ACSL6: variants seen among roughly 807,000 people sequenced by gnomAD.
ACSL6 encodes long-chain-fatty-acid--CoA ligase 6.
Under a neutral mutation model 98.2 loss-of-function variants are expected in ACSL6, and 47 were observed. That is an observed-to-expected ratio of 0.48 (90% CI 0.38 to 0.61). The LOEUF is 0.61. Among genes scored for constraint, ACSL6 ranks in the 20% least tolerant of loss-of-function variants. The pLI, the probability that ACSL6 is intolerant of heterozygous loss-of-function variation, is 0.00. For synonymous variants in ACSL6, 362 were observed against 336.9 expected (o/e 1.07, Z -0.82); for missense variants, 761 against 913.4 (o/e 0.83, Z 2.15).
At position 131,960,384 on chromosome 5, in the gene ACSL6, C is replaced by T. The variant is rs1370361049; in HGVS notation, c.1959+136G>A. The T allele has an allele frequency of 8.8e-6, 5 of 568,230 alleles. No individual in the cohort carries two copies. In the African/African-American group the frequency reaches 9.7e-5, roughly 11 times the overall value. The allele number at this position is 568,230 out of a possible 1,614,324, so 35.2% of individuals were successfully genotyped here. A position where few individuals can be genotyped will look rare whatever the true frequency, so the allele number is the denominator to read the frequency against. ...AAAAGACAAATCTCTGGTTTAGAAT[C>T]CCCACTATATATAAAGTAATGTTAG... On this transcript the variant is annotated intron_variant, in intron 19 of 20. Transcript: ENST00000651883.
chr5:132,011,638 A>C lies in ACSL6; in HGVS notation c.-85T>G. The C allele has an allele frequency of 1.6e-6, 2 of 1,263,194 alleles. No homozygotes were observed. The highest frequency in any genetic ancestry group is 7.2e-5 in the South Asian group (2 of 27,888). The allele number at this position is 1,263,194 out of a possible 1,614,324, so 78.2% of individuals were successfully genotyped here. On this transcript the variant is annotated 5_prime_UTR_variant, in exon 1 of 21. Coordinates refer to ENST00000651883, the MANE Select transcript of ACSL6 (RefSeq NM_001009185.3). This position sits in a 1 kb window ranked among gnomAD's most constrained non-coding sequence, Gnocchi z 5.4. ...CCCGCAGCCCAGCAGCCCCAGCAGT[A>C]GCCGCGCCGCCGCCGCCGCTGCCGG...
intron 7 of ACSL6, 106 bp downstream of exon 7, chr5:131,987,942 G>A (rs1754284649): frequency 1.4e-6 from 2 of 1,446,036 alleles, no homozygotes; most frequent in Admixed American, 1.9e-5. Flanking sequence ...TACCCTGCGG[G>A]CCCAAAACAG....
At chr5:131,996,551 C>T (rs1311710689) in intron 1 of ACSL6, among the ~76,000 whole-genome samples, 1 of 152,190 alleles carries the variant, frequency 6.6e-6, no homozygotes, top group Non-Finnish European at 1.5e-5. Flanking sequence ...TCATGCCTAG[C>T]ACGAGGGCTC....
At chr5:131,985,361 A>G in intron 9 of ACSL6, 46 bp downstream of exon 9, 2 of 1,610,776 alleles carry the variant, frequency 1.2e-6, no homozygotes, top group Non-Finnish European at 1.7e-6. Flanking sequence ...GCCACCAGGG[A>G]AGGGTGCAGG....
At chr5:131,967,809 A>T in intron 16 of ACSL6, 131 bp downstream of exon 16, 1 of 744,128 alleles carries the variant, frequency 1.3e-6, no homozygotes, top group Non-Finnish European at 2.2e-6. Flanking sequence ...AGTTGAGCTG[A>T]GTCAAATTAA....
At chr5:131,961,018 T>A (rs1580626753) in intron 18 of ACSL6, 1 of 160,224 alleles carries the variant, frequency 6.2e-6, no homozygotes, top group Admixed American at 6.4e-5. Context: ...CATGAAAGAC[T>A]TCATTTTGTT....
intron 20 of ACSL6, among the ~76,000 whole-genome samples, 183 bp downstream of exon 20, chr5:131,959,350 TTGA>T (rs1752580266): frequency 6.6e-6 from 1 of 152,224 alleles, no homozygotes; most frequent in South Asian, 2.1e-4. Flanking sequence ...GCAATCTCTT[TTGA>T]TATGTGACCT....
At chr5:131,969,022 T>C (rs1753164856) in intron 15 of ACSL6, among the ~76,000 whole-genome samples, 1 of 152,200 alleles carries the variant, frequency 6.6e-6, no homozygotes, top group Admixed American at 6.5e-5. Context: ...TGAGGGTAGA[T>C]ACTGGAAGAA....
intron 11 of ACSL6, 89 bp downstream of exon 11, chr5:131,974,804 T>A: frequency 3.1e-6 from 5 of 1,613,008 alleles, no homozygotes; most frequent in Non-Finnish European, 4.2e-6. Flanking sequence ...ATAGGAAATG[T>A]GCACATCCGC....
intron 3 of ACSL6, 95 bp from the exon 4 acceptor site, chr5:131,990,259 C>G: frequency 8.0e-7 from 1 of 1,251,258 alleles, no homozygotes; most frequent in Non-Finnish European, 1.1e-6. Flanking sequence ...ACATCCCATA[C>G]TGTAGTGTGT....
chr5:131,984,248 A>G (rs185497037), intron 9 of ACSL6: 1 of 152,400 alleles, frequency 6.6e-6, no homozygotes, highest in Non-Finnish European at 1.5e-5. Flanking sequence ...TCAATAAAGC[A>G]TGTTTATCAT....
In ACSL6 at chr5:132,010,472, G is replaced by T. The variant is rs773322164; in HGVS notation, c.49+1033C>A. ...GTTTTCCATGAATATTAAATAACACGTACAAAGCCTCAGGTAAAGATTTCA... is the reference window on the plus strand; with the variant it reads ...GTTTTCCATGAATATTAAATAACACTTACAAAGCCTCAGGTAAAGATTTCA... On this transcript the variant is annotated intron_variant, in intron 1 of 20. Coordinates refer to ENST00000651883, the MANE Select transcript of ACSL6 (RefSeq NM_001009185.3). 3.3e-5 allele frequency among the ~76,000 whole-genome samples: 5 copies of T among 152,312 alleles called. No homozygotes were observed. The South Asian group carries it at 1.0e-3, about 32-fold the overall frequency.
At chr5:131,977,274 G>A (rs1228029862) in intron 9 of ACSL6, among the ~76,000 whole-genome samples, 3 of 152,212 alleles carry the variant, frequency 2.0e-5, no homozygotes, top group African/African-American at 7.2e-5. Flanking sequence ...TTCTTGCTTT[G>A]TTTTGATATG....
chr5:131,997,109 G>A (rs1561807605), intron 1 of ACSL6, among the ~76,000 whole-genome samples: 1 of 152,342 alleles, frequency 6.6e-6, no homozygotes, highest in East Asian at 1.9e-4. Context: ...CTGGCCTCTT[G>A]GATATGCTGA....
rs1359378003 is a variant in ACSL6, at chr5:131,962,589, G to T, written c.1803C>A (p.Ile601=). 5 of 1,613,966 alleles carry T rather than the reference G, an allele frequency of 3.1e-6. No homozygotes were observed. Among genetic ancestry groups the T allele is most frequent in the South Asian group, 1.1e-5 (1 of 91,082 alleles). The change falls in exon 18 of 21, where the codon ATC becomes ATA. Residue 601 remains isoleucine (I), a synonymous_variant. Transcript: ENST00000651883. ...EYVAPEKIEN[I]YIRSQPVAQI... ...GCGCCACAGGTTGGCTCCGGATGTA[G>T]ATGTTCTCAATCTTCTCGGGTGCAA...
intron 15 of ACSL6, among the ~76,000 whole-genome samples, chr5:131,969,010 C>G (rs908185767): frequency 6.6e-6 from 1 of 152,206 alleles, no homozygotes; most frequent in Non-Finnish European, 1.5e-5. Context: ...GGAAGGGATA[C>G]ATGAGGGTAG....
intron 1 of ACSL6, among the ~76,000 whole-genome samples, chr5:132,000,373 C>T (rs1194559682): frequency 2.6e-5 from 4 of 151,948 alleles, no homozygotes; most frequent in Admixed American, 2.6e-4. Context: ...TGGGAATGGT[C>T]ACCCTGGAGC....
At chr5:131,977,492 T>C (rs1199148626) in intron 9 of ACSL6, among the ~76,000 whole-genome samples, 1 of 152,202 alleles carries the variant, frequency 6.6e-6, no homozygotes, top group Non-Finnish European at 1.5e-5. Context: ...ATCCTAGCCT[T>C]GCCACTCACT....
At chr5:131,971,371 T>C (rs74723054) in intron 14 of ACSL6, among the ~76,000 whole-genome samples, 179 bp downstream of exon 14, 2,019 of 152,320 alleles carry the variant, frequency 0.013, 29 homozygotes, top group African/African-American at 0.033. Flanking sequence ...CTTTCCAGAA[T>C]GTGGCAATGC....
Sources: gnomAD v4.1 joint callset for allele counts (sites outside exome capture counted in the v4.1 genomes callset) on GRCh38, gnomAD v4.1.1 for gene constraint, Gnocchi (gnomAD v3.1) non-coding constraint, MANE v1.5 for transcripts, NCBI Gene and HGNC (gene_info 2026-07-23, HGNC 2026-07-21) for gene names.